LGSN: variants seen among roughly 807,000 people sequenced by gnomAD.
LGSN encodes the protein lengsin.
A neutral mutation model predicts 19.5 loss-of-function variants in LGSN; 21 were observed. The ratio of observed to expected loss-of-function variants is 1.07; its 90% CI spans 0.76 to 1.55. LGSN has a LOEUF of 1.55. Ranked by LOEUF, LGSN falls within the 40% of genes most tolerant of loss-of-function variation. The probability of loss-of-function intolerance (pLI) is 0.00; values close to 1 mark genes in which losing one functional copy is unlikely to be tolerated. For missense variants in LGSN, 673 were observed against 608.5 expected, an observed-to-expected ratio of 1.11 and a Z score of -1.12; for synonymous variants, 257 against 215.6, an observed-to-expected ratio of 1.19 and a Z score of -1.68.
chr6:63,280,008 T>A lies in LGSN; in HGVS notation c.*13A>T. On this transcript the variant is annotated 3_prime_UTR_variant, in exon 4 of 4. Transcript: ENST00000370657. ...ACAATTACATGTCTAAAGGAGTAGT[T>A]GTGAGCTCTATTCTAAATAAAATAC... 6.4e-7 allele frequency: 1 copy of A among 1,569,898 alleles called. No individual in the cohort carries two copies. The highest frequency in any genetic ancestry group is 8.6e-7 in the Non-Finnish European group (1 of 1,159,684).
chr6:63,391,930 A>G, the LGSN span, among the ~76,000 whole-genome samples: 1 of 152,226 alleles, frequency 6.6e-6, no homozygotes, highest in African/African-American at 2.4e-5. Flanking sequence ...TCTCCTCTCC[A>G]GTATAAGTCT....
the LGSN span, among the ~76,000 whole-genome samples, chr6:63,470,208 C>A: frequency 2.4e-4 from 36 of 152,026 alleles, no homozygotes; most frequent in East Asian, 5.0e-3. Context: ...TAGCTCACAC[C>A]TGTAATCCCA....
chr6:63,321,571 TA>T (rs1769084469), upstream of LGSN, among the ~76,000 whole-genome samples: 1 of 152,190 alleles, frequency 6.6e-6, no homozygotes, highest in Non-Finnish European at 1.5e-5. Flanking sequence ...GATTTTTTTA[TA>T]ATATCCTTTC....
At position 63,277,893 on chromosome 6, in the gene LGSN, T is replaced by C. The variant is rs1436659023; in HGVS notation, c.*2128A>G. 1 of 152,190 alleles carries C rather than the reference T, an allele frequency of 6.6e-6. No individual in the cohort carries two copies. The highest frequency in any genetic ancestry group is 2.4e-5 in the African/African-American group (1 of 41,418). 9.4% of individuals were successfully genotyped at this position (152,190 alleles called of 1,614,324 possible). ...TGAGTTCAGGAGTTCAAGACCAGACTGGCCAATATGGTGAAACCCCATCTC... is the reference window on the plus strand; with the variant it reads ...TGAGTTCAGGAGTTCAAGACCAGACCGGCCAATATGGTGAAACCCCATCTC... On this transcript the variant is annotated 3_prime_UTR_variant, in exon 4 of 4. Coordinates refer to ENST00000370657, the MANE Select transcript of LGSN (RefSeq NM_016571.3).
the LGSN span, among the ~76,000 whole-genome samples, chr6:63,411,236 G>C: frequency 6.6e-6 from 1 of 152,118 alleles, no homozygotes; most frequent in Non-Finnish European, 1.5e-5. Flanking sequence ...CAAGCACCAG[G>C]AATTACGCTG....
chr6:63,358,804 C>T, the LGSN span, among the ~76,000 whole-genome samples: 4 of 152,130 alleles, frequency 2.6e-5, no homozygotes, highest in Non-Finnish European at 5.9e-5. Flanking sequence ...TTCCTCTTTT[C>T]CTTATTGAAT....
the LGSN span, among the ~76,000 whole-genome samples, chr6:63,490,064 TA>T: frequency 5.3e-5 from 8 of 152,212 alleles, no homozygotes; most frequent in Admixed American, 5.2e-4. Flanking sequence ...CTATTTTAAA[TA>T]AAATAACATT....
At chr6:63,331,788 C>T in the LGSN span, among the ~76,000 whole-genome samples, 448 of 152,248 alleles carry the variant, frequency 2.9e-3, 3 homozygotes, top group African/African-American at 0.01. Flanking sequence ...ACTGATGCAT[C>T]CTTGAAAACC....
chr6:63,436,137 C>G, the LGSN span, among the ~76,000 whole-genome samples: 23 of 152,238 alleles, frequency 1.5e-4, no homozygotes, highest in Admixed American at 3.9e-4. Context: ...TGTAAAGTAG[C>G]CCTACCACCA....
At chr6:63,488,247 G>C in the LGSN span, among the ~76,000 whole-genome samples, 1 of 152,168 alleles carries the variant, frequency 6.6e-6, no homozygotes, top group African/African-American at 2.4e-5. Context: ...CTACTACTGT[G>C]TTAAGTGCTC....
the LGSN span, among the ~76,000 whole-genome samples, chr6:63,412,919 AAAGG>A: frequency 1.5e-4 from 22 of 151,198 alleles, no homozygotes; most frequent in African/African-American, 4.4e-4. Flanking sequence ...AGGAAGGAAG[AAAGG>A]AAGGAAGGAA....
At chr6:63,516,885 T>C in the LGSN span, among the ~76,000 whole-genome samples, 4 of 152,198 alleles carry the variant, frequency 2.6e-5, no homozygotes, top group Non-Finnish European at 4.4e-5. Context: ...TTGGAAGCTA[T>C]ATGTGCCAGA....
chr6:63,428,836 C>G, the LGSN span, among the ~76,000 whole-genome samples: 2 of 152,262 alleles, frequency 1.3e-5, no homozygotes, highest in Middle Eastern at 3.4e-3. Context: ...TGTTTCAGCT[C>G]TCATAAGATG....
At chr6:63,434,470 A>G in the LGSN span, among the ~76,000 whole-genome samples, 1 of 143,904 alleles carries the variant, frequency 6.9e-6, no homozygotes, top group Non-Finnish European at 1.5e-5. Flanking sequence ...AGAAGTTGTG[A>G]CCTTTGGGCC....
At chr6:63,541,927 G>T in the LGSN span, among the ~76,000 whole-genome samples, 8 of 151,444 alleles carry the variant, frequency 5.3e-5, no homozygotes, top group Admixed American at 2.0e-4. Context: ...ATCTTTTTCT[G>T]CCATTTTAAA....
At chr6:63,437,070 G>GGGGAGGGGAGGGGAAGGGAAGGGA in the LGSN span, among the ~76,000 whole-genome samples, 1 of 139,488 alleles carries the variant, frequency 7.2e-6, no homozygotes, top group African/African-American at 2.6e-5. Flanking sequence ...GGGAAGGGAA[G>GGGGAGGGGAGGGGAAGGGAAGGGA]GGGAGGGGAG....
At chr6:63,334,894 T>C in the LGSN span, among the ~76,000 whole-genome samples, 1 of 151,994 alleles carries the variant, frequency 6.6e-6, no homozygotes, top group Non-Finnish European at 1.5e-5. Flanking sequence ...ATCTCAGCAC[T>C]TTGGGAGGCT....
chr6:63,304,944 T>A (rs1768322436), intron 1 of LGSN, among the ~76,000 whole-genome samples: 1 of 152,150 alleles, frequency 6.6e-6, no homozygotes, highest in African/African-American at 2.4e-5. Flanking sequence ...GCCCTAAGTT[T>A]TGGTCACACT....
the LGSN span, among the ~76,000 whole-genome samples, chr6:63,485,550 A>C: frequency 1.3e-5 from 2 of 152,232 alleles, no homozygotes; most frequent in East Asian, 3.8e-4. Context: ...GCATATAGTC[A>C]GTAATGGTAT....
Sources: gnomAD v4.1 joint callset for allele counts (sites outside exome capture counted in the v4.1 genomes callset) on GRCh38, gnomAD v4.1.1 for gene constraint, MANE v1.5 for transcripts, NCBI Gene and HGNC (gene_info 2026-07-23, HGNC 2026-07-21) for gene names.